CDH12: variants seen among roughly 807,000 people sequenced by gnomAD.
The protein encoded by CDH12 is cadherin 12.
A neutral mutation model predicts 74.1 loss-of-function variants in CDH12; 41 were observed. That is an observed-to-expected ratio of 0.55 (90% CI 0.43 to 0.72). The LOEUF is 0.72. Among genes scored for constraint, CDH12 ranks in the 30% least tolerant of loss-of-function variants. CDH12 has a pLI of 0.00. For missense variants in CDH12, 945 were observed against 977.2 expected, an observed-to-expected ratio of 0.97 and a Z score of 0.44; for synonymous variants, 399 against 355.0, an observed-to-expected ratio of 1.12 and a Z score of -1.39.
intron 1 of CDH12, among the ~76,000 whole-genome samples, chr5:22,684,100 T>C (rs1741636896): frequency 6.6e-6 from 1 of 152,206 alleles, no homozygotes; most frequent in Non-Finnish European, 1.5e-5. Context: ...TCTTTAAACA[T>C]TGTGATGTGC....
chr5:22,261,603 C>T (rs1753514776), intron 3 of CDH12, among the ~76,000 whole-genome samples: 1 of 152,000 alleles, frequency 6.6e-6, no homozygotes, highest in Admixed American at 6.6e-5. Context: ...TGCCAATTTT[C>T]ATACAAATTA....
At chr5:22,003,861 A>G (rs1338764567) in intron 5 of CDH12, among the ~76,000 whole-genome samples, 2 of 139,640 alleles carry the variant, frequency 1.4e-5, no homozygotes, top group Non-Finnish European at 3.1e-5. Context: ...ATTTACATTT[A>G]GGTTAAATTC....
At chr5:22,724,936 C>G (rs1215131183) in intron 1 of CDH12, among the ~76,000 whole-genome samples, 1 of 151,732 alleles carries the variant, frequency 6.6e-6, no homozygotes, top group Non-Finnish European at 1.5e-5. Context: ...ATAATATTTT[C>G]ATCAGGAACC....
intron 3 of CDH12, among the ~76,000 whole-genome samples, chr5:22,382,831 T>C (rs1208929386): frequency 6.6e-6 from 1 of 151,952 alleles, no homozygotes; most frequent in African/African-American, 2.4e-5. Context: ...TTATTATTAT[T>C]ATTATTATTA....
chr5:22,434,766 CTTT>C (rs551986107), intron 2 of CDH12, among the ~76,000 whole-genome samples: 1 of 151,368 alleles, frequency 6.6e-6, no homozygotes, highest in East Asian at 1.9e-4. Context: ...TTTTTGTGTG[CTTT>C]TTTTTTCTTA....
chr5:22,853,117 A>G lies in CDH12; in HGVS notation c.-582T>C, dbSNP rs1163143204. ...CACCGACGGCCGCAGCAGGGTGCCA[A>G]CAGCTCAGCCTTGCGCGGAAGGTGA... On this transcript the variant is annotated 5_prime_UTR_variant, in exon 1 of 15. Coordinates refer to ENST00000382254, the MANE Select transcript of CDH12 (RefSeq NM_004061.5). 6.6e-6 allele frequency: 1 copy of G among 152,492 alleles called. No individual in the cohort carries two copies. Among genetic ancestry groups the G allele is most frequent in the Non-Finnish European group, 1.5e-5 (1 of 68,268 alleles). 9.4% of individuals were successfully genotyped at this position (152,492 alleles called of 1,614,324 possible).
At chr5:21,790,251 A>G (rs1168226419) in intron 10 of CDH12, among the ~76,000 whole-genome samples, 1 of 152,172 alleles carries the variant, frequency 6.6e-6, no homozygotes, top group East Asian at 1.9e-4. Context: ...TTATGTTTAA[A>G]TGTAATTTTA....
At chr5:22,364,220 T>C (rs933802313) in intron 3 of CDH12, among the ~76,000 whole-genome samples, 1 of 152,150 alleles carries the variant, frequency 6.6e-6, no homozygotes, top group African/African-American at 2.4e-5. Flanking sequence ...ATATTATCAA[T>C]TATAGGCAAG....
At chr5:22,494,084 G>C (rs1417814380) in intron 2 of CDH12, among the ~76,000 whole-genome samples, 1 of 152,188 alleles carries the variant, frequency 6.6e-6, no homozygotes, top group Non-Finnish European at 1.5e-5. Flanking sequence ...GTTTTGTACT[G>C]TATATGGTCG....
At chr5:22,481,813 A>G (rs934731576) in intron 2 of CDH12, among the ~76,000 whole-genome samples, 8 of 152,108 alleles carry the variant, frequency 5.3e-5, no homozygotes, top group African/African-American at 1.9e-4. Flanking sequence ...AGTTTTGTGC[A>G]GTTAAAACAC....
intron 3 of CDH12, among the ~76,000 whole-genome samples, chr5:22,248,624 G>C (rs1167463215): frequency 1.3e-5 from 2 of 152,074 alleles, no homozygotes; most frequent in East Asian, 1.9e-4. Context: ...AAAATAAAAA[G>C]AGAAATGTAA....
At position 22,817,521 on chromosome 5, in the gene CDH12, T is replaced by C. The variant is rs573527234; in HGVS notation, c.-523+35537A>G. On this transcript the variant is annotated intron_variant, in intron 1 of 14. Coordinates refer to ENST00000382254, the MANE Select transcript of CDH12 (RefSeq NM_004061.5). ...TTTTAATGTAGTTTGTTGTATATAA[T>C]TGTGTATTTATAACTGATAATTATA... Among the ~76,000 whole-genome samples, 15 of 152,236 alleles carry C rather than the reference T, an allele frequency of 9.9e-5. No individual in the cohort carries two copies. In the East Asian group the frequency reaches 1.9e-3, roughly 20 times the overall value.
At chr5:22,575,396 ATTT>A (rs35316807) in intron 1 of CDH12, among the ~76,000 whole-genome samples, 2 of 143,814 alleles carry the variant, frequency 1.4e-5, no homozygotes, top group Admixed American at 6.9e-5. Context: ...GGTTTGAAAC[ATTT>A]TTTTTTTTTT....
At chr5:22,168,059 G>A (rs560881383) in intron 4 of CDH12, among the ~76,000 whole-genome samples, 2 of 152,218 alleles carry the variant, frequency 1.3e-5, no homozygotes, top group East Asian at 3.9e-4. Flanking sequence ...AAGGTGAGAA[G>A]CTGAGGATTG....
chr5:22,234,365 G>A (rs1301707900), intron 3 of CDH12, among the ~76,000 whole-genome samples: 2 of 151,980 alleles, frequency 1.3e-5, no homozygotes, highest in Admixed American at 6.6e-5. Flanking sequence ...TCTTTCCTGT[G>A]GTACTCTCAT....
At chr5:22,008,309 A>G (rs1737084484) in intron 5 of CDH12, among the ~76,000 whole-genome samples, 1 of 151,992 alleles carries the variant, frequency 6.6e-6, no homozygotes, top group African/African-American at 2.4e-5. Context: ...GGCTCACTGT[A>G]ACCTCCACCT....
intron 1 of CDH12, among the ~76,000 whole-genome samples, chr5:22,675,241 C>T (rs527583232): frequency 2.6e-5 from 4 of 152,262 alleles, no homozygotes; most frequent in Admixed American, 6.5e-5. Context: ...TGCTTCCCAG[C>T]TGTTCCAGCC....
intron 6 of CDH12, among the ~76,000 whole-genome samples, chr5:21,856,947 G>A (rs1292526519): frequency 1.3e-5 from 2 of 151,772 alleles, no homozygotes; most frequent in African/African-American, 4.8e-5. Flanking sequence ...TTCTCCAAAA[G>A]TTCTTAAAGA....
At chr5:21,806,654 T>C (rs932389367) in intron 9 of CDH12, among the ~76,000 whole-genome samples, 1 of 152,156 alleles carries the variant, frequency 6.6e-6, no homozygotes, top group African/African-American at 2.4e-5. Flanking sequence ...CTCCTATTAA[T>C]CAATCTCCCT....
Sources: allele counts gnomAD v4.1 joint callset (sites outside exome capture counted in the v4.1 genomes callset), GRCh38; gene constraint gnomAD v4.1.1; transcripts MANE v1.5; gene names NCBI Gene and HGNC (gene_info 2026-07-23, HGNC 2026-07-21).